Variants in POU6F2 observed in about 807,000 individuals in gnomAD.
The protein encoded by POU6F2 is POU domain, class 6, transcription factor 2.
Under a neutral mutation model 71.3 loss-of-function variants are expected in POU6F2, and 31 were observed. The observed-to-expected ratio is 0.43, with a 90% confidence interval of 0.33 to 0.59. The LOEUF is 0.59. Ranked by LOEUF, POU6F2 falls within the 20% of genes least tolerant of loss-of-function variation. The pLI is 0.04. For missense variants in POU6F2, 783 were observed against 856.8 expected (o/e 0.91, Z 1.07); for synonymous variants, 347 against 355.7 (o/e 0.98, Z 0.27).
chr7:38,999,261 T>C (rs1335933748), intron 1 of POU6F2, among the ~76,000 whole-genome samples: 2 of 151,476 alleles, frequency 1.3e-5, no homozygotes, highest in Admixed American at 1.3e-4. Flanking sequence ...TACTTTTTTA[T>C]TAGCTACTGG....
intron 2 of POU6F2, among the ~76,000 whole-genome samples, chr7:39,160,903 C>T (rs1375605699): frequency 1.3e-5 from 2 of 152,096 alleles, no homozygotes; most frequent in African/African-American, 4.8e-5. Context: ...TCTTTCAGTG[C>T]CAAACACAGT....
intron 4 of POU6F2, among the ~76,000 whole-genome samples, chr7:39,261,210 C>T (rs1369935258): frequency 2.0e-5 from 3 of 152,156 alleles, no homozygotes; most frequent in Non-Finnish European, 2.9e-5. Context: ...CTCAGCCAGG[C>T]CACCTCTCCT....
At chr7:39,374,247 A>T (rs1786668320) in intron 5 of POU6F2, among the ~76,000 whole-genome samples, 1 of 152,232 alleles carries the variant, frequency 6.6e-6, no homozygotes, top group Non-Finnish European at 1.5e-5. Context: ...GTGTCTGTGT[A>T]TGAGCCCAGA....
intron 2 of POU6F2, among the ~76,000 whole-genome samples, chr7:39,135,108 A>T (rs896764495): frequency 6.6e-6 from 1 of 152,216 alleles, no homozygotes; most frequent in African/African-American, 2.4e-5. Context: ...TCTTAAACTA[A>T]CAAGACATGA....
intron 2 of POU6F2, among the ~76,000 whole-genome samples, chr7:39,156,345 A>T: frequency 6.6e-6 from 1 of 152,192 alleles, no homozygotes; most frequent in East Asian, 1.9e-4. Flanking sequence ...CTTTTCCATT[A>T]TTCAGTAGAT....
chr7:39,398,814 G>A (rs1391506245), intron 5 of POU6F2, among the ~76,000 whole-genome samples: 1 of 151,988 alleles, frequency 6.6e-6, no homozygotes, highest in Non-Finnish European at 1.5e-5. Context: ...ACTTATATGG[G>A]GCTTATTATA....
At chr7:39,159,440 C>G (rs1187157362) in intron 2 of POU6F2, among the ~76,000 whole-genome samples, 1 of 152,188 alleles carries the variant, frequency 6.6e-6, no homozygotes, top group African/African-American at 2.4e-5. Context: ...ATAATTAACC[C>G]AGTCAGAAGT....
chr7:39,083,782 T>C (rs919002724), intron 1 of POU6F2: 3 of 152,208 alleles, frequency 2.0e-5, no homozygotes, highest in Non-Finnish European at 4.4e-5. Flanking sequence ...CAAGTCTAAT[T>C]TCTTTTCTAA....
At chr7:39,142,657 G>T (rs566684975) in intron 2 of POU6F2, among the ~76,000 whole-genome samples, 1 of 152,126 alleles carries the variant, frequency 6.6e-6, no homozygotes, top group Non-Finnish European at 1.5e-5. Context: ...AATTCTCTTG[G>T]CTTTCAGAAA....
chr7:38,981,656 T>G (rs1227908812), intron 1 of POU6F2, among the ~76,000 whole-genome samples: 1 of 152,110 alleles, frequency 6.6e-6, no homozygotes, highest in African/African-American at 2.4e-5. Flanking sequence ...AAAGTACTAG[T>G]AGAAGAGAGA....
chr7:39,414,716 C>CT (rs1410044672), intron 6 of POU6F2, among the ~76,000 whole-genome samples: 6 of 151,860 alleles, frequency 4.0e-5, no homozygotes, highest in Non-Finnish European at 8.8e-5. Flanking sequence ...TACCCCGCCC[C>CT]CCCACCACAT....
At chr7:39,419,576 T>C (rs1395235474) in intron 6 of POU6F2, among the ~76,000 whole-genome samples, 1 of 152,084 alleles carries the variant, frequency 6.6e-6, no homozygotes, top group Non-Finnish European at 1.5e-5. Context: ...AAGTTTTATG[T>C]GGATATGCTT....
At chr7:39,016,837 C>T (rs926374002) in intron 1 of POU6F2, among the ~76,000 whole-genome samples, 2 of 152,148 alleles carry the variant, frequency 1.3e-5, no homozygotes, top group Admixed American at 6.6e-5. Flanking sequence ...GAATGTGGCA[C>T]GTCCAGTTTA....
intron 4 of POU6F2, among the ~76,000 whole-genome samples, chr7:39,334,407 A>G (rs981306569): frequency 6.6e-6 from 1 of 152,188 alleles, no homozygotes; most frequent in Non-Finnish European, 1.5e-5. Flanking sequence ...ACAATGTTCA[A>G]TATTTGAGGA....
chr7:39,257,675 GC>G (rs1460548861), intron 4 of POU6F2, among the ~76,000 whole-genome samples: 2 of 152,014 alleles, frequency 1.3e-5, no homozygotes, highest in Non-Finnish European at 2.9e-5. Flanking sequence ...TTAGAATGGA[GC>G]TTTCAACTAC....
At chr7:39,144,635 A>G (rs1340214151) in intron 2 of POU6F2, among the ~76,000 whole-genome samples, 2 of 152,206 alleles carry the variant, frequency 1.3e-5, no homozygotes, top group East Asian at 3.8e-4. Flanking sequence ...ATCAGGCAAC[A>G]CCTTTGTGAG....
chr7:39,164,689 G>A (rs1308548906), intron 2 of POU6F2, among the ~76,000 whole-genome samples: 6 of 151,952 alleles, frequency 3.9e-5, no homozygotes, highest in African/African-American at 1.4e-4. Context: ...CATGGGGGAA[G>A]CCAGGGACAG....
chr7:39,149,944 G>T (rs1243683493), intron 2 of POU6F2, among the ~76,000 whole-genome samples: 1 of 150,098 alleles, frequency 6.7e-6, no homozygotes, highest in African/African-American at 2.5e-5. Context: ...GGAGTGCAGT[G>T]GCACAATCTC....
rs1789094885 is a variant in POU6F2 at position 39,467,309 on chromosome 7, T to A, written c.*2623T>A. 6.6e-6 allele frequency: 1 copy of A among 152,220 alleles called. No homozygotes were observed. The highest frequency in any genetic ancestry group is 2.4e-5 in the African/African-American group (1 of 41,462). The allele number at this position is 152,220 out of a possible 1,614,324, so 9.4% of individuals were successfully genotyped here. A position where few individuals can be genotyped will look rare whatever the true frequency, so the allele number is the denominator to read the frequency against. On this transcript the variant is annotated 3_prime_UTR_variant, in exon 10 of 10. Transcript: ENST00000518318. ...GTGCCTGAACCGATTCTTAGGAATA[T>A]AAATTATACTGTGTAACTCATAAGT...
Sources: allele counts gnomAD v4.1 joint callset (sites outside exome capture counted in the v4.1 genomes callset), GRCh38; gene constraint gnomAD v4.1.1; transcripts MANE v1.5; gene names NCBI Gene and HGNC (gene_info 2026-07-23, HGNC 2026-07-21).